The following PALLD variants were observed in gnomAD, a reference collection of about 807,000 sequenced individuals.
PALLD encodes palladin.
A neutral mutation model predicts 123.5 loss-of-function variants in PALLD; 61 were observed. The ratio of observed to expected loss-of-function variants is 0.49; its 90% CI spans 0.40 to 0.61. The LOEUF (loss-of-function observed/expected upper bound fraction) is 0.61. Among genes scored for constraint, PALLD ranks in the 20% least tolerant of loss-of-function variants. PALLD has a pLI of 0.00. For missense variants in PALLD, 1,273 were observed against 1,377.0 expected (o/e 0.92, Z 1.20); for synonymous variants, 465 against 496.4 (o/e 0.94, Z 0.84).
At chr4:168,898,901 G>A (rs1366635165) in intron 14 of PALLD, among the ~76,000 whole-genome samples, 187 bp downstream of exon 14, 2 of 152,146 alleles carry the variant, frequency 1.3e-5, no homozygotes, top group Non-Finnish European at 2.9e-5. Flanking sequence ...AAAAGGTGGT[G>A]GGGGGAGTGG....
At chr4:168,508,472 AG>A (rs757446962) in intron 1 of PALLD, among the ~76,000 whole-genome samples, 6 of 152,148 alleles carry the variant, frequency 3.9e-5, no homozygotes, top group Non-Finnish European at 8.8e-5. Context: ...TGGTCCATGT[AG>A]TACATCTATC....
At chr4:168,733,868 G>T (rs1298330492) in intron 10 of PALLD, among the ~76,000 whole-genome samples, 2 of 152,130 alleles carry the variant, frequency 1.3e-5, no homozygotes, top group East Asian at 3.9e-4. Context: ...CTGAGTAGCT[G>T]GGACTACAGG....
intron 18 of PALLD, among the ~76,000 whole-genome samples, chr4:168,922,823 T>C (rs923114778): frequency 2.0e-5 from 3 of 152,330 alleles, no homozygotes; most frequent in East Asian, 1.9e-4. Flanking sequence ...TTTGATCACA[T>C]AGATACCTCA....
intron 2 of PALLD, among the ~76,000 whole-genome samples, chr4:168,658,396 C>A (rs559727807): frequency 6.6e-6 from 1 of 151,192 alleles, no homozygotes; most frequent in Admixed American, 6.6e-5. Flanking sequence ...GTGATCCTCC[C>A]ACCTCAGCCT....
intron 2 of PALLD, among the ~76,000 whole-genome samples, chr4:168,550,667 C>T (rs1766641021): frequency 6.6e-6 from 1 of 152,116 alleles, no homozygotes; most frequent in Non-Finnish European, 1.5e-5. Context: ...TCTTTGGGAA[C>T]TTTGCTAATC....
chr4:168,518,710 C>T (rs1385156887), intron 2 of PALLD, among the ~76,000 whole-genome samples: 1 of 152,166 alleles, frequency 6.6e-6, no homozygotes, highest in African/African-American at 2.4e-5. Flanking sequence ...CTCTCTATTC[C>T]ACTCTCTTGC....
chr4:168,824,817 C>CTTT (rs148235431), intron 10 of PALLD, among the ~76,000 whole-genome samples: 35 of 97,866 alleles, frequency 3.6e-4, no homozygotes, highest in East Asian at 7.9e-4. Flanking sequence ...CAGATAAATT[C>CTTT]TTTTTTTTTT....
chr4:168,821,809 G>C (rs939734826), intron 10 of PALLD, among the ~76,000 whole-genome samples: 1 of 151,506 alleles, frequency 6.6e-6, no homozygotes. Flanking sequence ...GAACTCGAGA[G>C]GTGGAGGTTG....
chr4:168,827,963 C>T (rs1743644854), intron 10 of PALLD, among the ~76,000 whole-genome samples: 1 of 152,166 alleles, frequency 6.6e-6, no homozygotes, highest in Admixed American at 6.5e-5. Context: ...ATCGCGTGAA[C>T]CCGGGAGGCG....
intron 12 of PALLD, among the ~76,000 whole-genome samples, 163 bp from the exon 13 acceptor site, chr4:168,896,386 T>C (rs1755171381): frequency 6.6e-6 from 1 of 152,214 alleles, no homozygotes; most frequent in Non-Finnish European, 1.5e-5. Context: ...TGGAGTCCTG[T>C]ACCAAAAGTG....
intron 10 of PALLD, among the ~76,000 whole-genome samples, chr4:168,799,141 C>T (rs918174419): frequency 7.2e-5 from 11 of 152,150 alleles, no homozygotes; most frequent in African/African-American, 2.7e-4. Context: ...CTTATTTGTA[C>T]ACAGTTTGAA....
chr4:168,593,440 A>AAAAAAGAAAAAAG (rs1554047280), intron 2 of PALLD, among the ~76,000 whole-genome samples: 1 of 140,896 alleles, frequency 7.1e-6, no homozygotes, highest in African/African-American at 2.8e-5. Context: ...ACCAGGCAAA[A>AAAAAAGAAAAAAG]AAAAAAGAAA....
In PALLD at chr4:168,565,403, G is replaced by A. The variant is rs146050499; in HGVS notation, c.908+52991G>A. Among the ~76,000 whole-genome samples, 17 of 152,262 alleles carry A rather than the reference G, an allele frequency of 1.1e-4. No homozygotes were observed. The East Asian group carries it at 3.3e-3, about 29-fold the overall frequency. On this transcript the variant is annotated intron_variant, in intron 2 of 21. Coordinates refer to ENST00000505667, the MANE Select transcript of PALLD (RefSeq NM_001166108.2). ...ATGAGTGCAGCACAGAGCTGGGGGAGATGCAACACCTCTGCAGGAGGCTTA... is the reference window on the plus strand; with the variant it reads ...ATGAGTGCAGCACAGAGCTGGGGGAAATGCAACACCTCTGCAGGAGGCTTA...
At chr4:168,782,240 T>C (rs1382787571) in intron 10 of PALLD, among the ~76,000 whole-genome samples, 1 of 152,240 alleles carries the variant, frequency 6.6e-6, no homozygotes, top group African/African-American at 2.4e-5. Context: ...GTGCACCCTC[T>C]GTTAGCCAAC....
chr4:168,880,453 C>T (rs1434009404), intron 10 of PALLD, among the ~76,000 whole-genome samples: 1 of 152,074 alleles, frequency 6.6e-6, no homozygotes, highest in African/African-American at 2.4e-5. Context: ...ATGTGGTTAC[C>T]GTTTTGTCCT....
chr4:168,638,855 A>G (rs1776613381), intron 2 of PALLD, among the ~76,000 whole-genome samples: 1 of 152,118 alleles, frequency 6.6e-6, no homozygotes, highest in Non-Finnish European at 1.5e-5. Flanking sequence ...TCCAGACCAT[A>G]GCAATCAGCT....
intron 10 of PALLD, among the ~76,000 whole-genome samples, chr4:168,804,974 C>T (rs951752044): frequency 1.3e-5 from 2 of 152,062 alleles, no homozygotes; most frequent in African/African-American, 4.8e-5. Flanking sequence ...GCCTGGCCAA[C>T]ATGGTGAAAC....
chr4:168,545,913 AT>A (rs1228760434), intron 2 of PALLD, among the ~76,000 whole-genome samples: 1 of 152,202 alleles, frequency 6.6e-6, no homozygotes, highest in Non-Finnish European at 1.5e-5. Flanking sequence ...TGAGTTCATG[AT>A]TTTAAATTAC....
In PALLD at chr4:168,711,678, C is replaced by T. The variant is rs775218291; in HGVS notation, c.1719C>T (p.Ser573=). 13 of 1,613,950 alleles carry T rather than the reference C, an allele frequency of 8.1e-6. No individual in the cohort carries two copies. The Admixed American group carries it at 2.0e-4, about 25-fold the overall frequency. Residue 573 remains serine, a synonymous_variant, in exon 10 of 22, where the codon TCC becomes TCT. Coordinates refer to ENST00000505667, the MANE Select transcript of PALLD (RefSeq NM_001166108.2). ...PPPPPILETS[S]LELASKKPSE... ...CCCCTCCAATCTTGGAGACAAGTTC[C>T]TTGGAGTTGGCTTCAAAGAAACCAT...
Sources: allele counts gnomAD v4.1 joint callset (sites outside exome capture counted in the v4.1 genomes callset), GRCh38; gene constraint gnomAD v4.1.1; transcripts MANE v1.5; gene names NCBI Gene and HGNC (gene_info 2026-07-23, HGNC 2026-07-21).